B4GALT1: variants seen among roughly 807,000 people sequenced by gnomAD.
B4GALT1 encodes N-acetyllactosamine synthase.
Under a neutral mutation model 34.9 loss-of-function variants are expected in B4GALT1, and 16 were observed. The observed-to-expected ratio is 0.46, with a 90% CI of 0.31 to 0.70. The LOEUF (loss-of-function observed/expected upper bound fraction) is 0.70. B4GALT1 is among the 30% of genes least tolerant of loss of function. The pLI, the probability that B4GALT1 is intolerant of heterozygous loss-of-function variation, is 0.05. For synonymous variants in B4GALT1, 221 were observed against 218.1 expected (o/e 1.01, Z -0.12); for missense variants, 445 against 530.5 (o/e 0.84, Z 1.58).
chr9:33,168,824 G>A (rs1564057118), upstream of B4GALT1, among the ~76,000 whole-genome samples: 1 of 152,154 alleles, frequency 6.6e-6, no homozygotes, highest in Non-Finnish European at 1.5e-5. Context: ...AGATTCAACT[G>A]CTTATTTTAC....
At position 33,120,708 on chromosome 9, in the gene B4GALT1, A is replaced by G. The variant is rs3818593; in HGVS notation, c.649-102T>C. ...GTCCACTACACATGGTCACTAGGAA[A>G]CTCTTGGGCCTCACTTTTCTGCCGT... On this transcript the variant is annotated intron_variant, in intron 2 of 5. Transcript: ENST00000379731. 0.2 allele frequency: 247,196 copies of G among 1,232,496 alleles called. 27,173 individuals carry two copies. The highest frequency in any genetic ancestry group is 0.43 in the East Asian group (17,282 of 39,946). The allele number at this position is 1,232,496 out of a possible 1,614,324, so 76.3% of individuals were successfully genotyped here.
chr9:33,140,850 A>C (rs1217548951), intron 1 of B4GALT1, among the ~76,000 whole-genome samples: 1 of 152,278 alleles, frequency 6.6e-6, no homozygotes, highest in East Asian at 1.9e-4. Context: ...ATTTGCTTGC[A>C]GCATTCTCGT....
At chr9:33,157,421 G>A (rs10758194) in intron 1 of B4GALT1, among the ~76,000 whole-genome samples, 1 of 151,960 alleles carries the variant, frequency 6.6e-6, no homozygotes, top group Non-Finnish European at 1.5e-5. Context: ...CTAGATTATC[G>A]ACGATAGTGA....
chr9:33,162,845 T>C (rs979333903), intron 1 of B4GALT1, among the ~76,000 whole-genome samples: 3 of 152,194 alleles, frequency 2.0e-5, no homozygotes, highest in African/African-American at 4.8e-5. Context: ...CTTATTGCCA[T>C]AGGCTGTGTC....
At chr9:33,154,265 A>C (rs1840565935) in intron 1 of B4GALT1, among the ~76,000 whole-genome samples, 2 of 152,212 alleles carry the variant, frequency 1.3e-5, no homozygotes, top group South Asian at 4.1e-4. Context: ...CTCAACAGAC[A>C]CAGAAAAGCA....
At chr9:33,122,988 A>T (rs938901813) in intron 2 of B4GALT1, among the ~76,000 whole-genome samples, 1 of 152,148 alleles carries the variant, frequency 6.6e-6, no homozygotes, top group African/African-American at 2.4e-5. Context: ...TACTAAAAAC[A>T]CAAAAAATTG....
upstream of B4GALT1, among the ~76,000 whole-genome samples, chr9:33,170,836 T>C (rs565053851): frequency 2.0e-5 from 3 of 152,342 alleles, no homozygotes; most frequent in Admixed American, 2.0e-4. Context: ...TCCAGCTCTT[T>C]TCCACTCTCT....
chr9:33,166,167 A>G (rs1011235334), intron 1 of B4GALT1, among the ~76,000 whole-genome samples: 9 of 152,188 alleles, frequency 5.9e-5, no homozygotes, highest in Admixed American at 5.2e-4. Flanking sequence ...GCCCTTATTT[A>G]CCATTGTTCA....
intron 4 of B4GALT1, among the ~76,000 whole-genome samples, chr9:33,115,122 T>A (rs745364113): frequency 2.6e-5 from 4 of 152,226 alleles, no homozygotes; most frequent in Non-Finnish European, 5.9e-5. Flanking sequence ...TGATACCCCA[T>A]CTACATACTA....
At chr9:33,138,285 G>C (rs899202391) in intron 1 of B4GALT1, among the ~76,000 whole-genome samples, 9 of 152,140 alleles carry the variant, frequency 5.9e-5, no homozygotes, top group African/African-American at 2.2e-4. Flanking sequence ...GATGATCTTT[G>C]GTATCCTGAG....
At chr9:33,168,926 T>C (rs774924683), upstream of B4GALT1, among the ~76,000 whole-genome samples, 17 of 152,250 alleles carry the variant, frequency 1.1e-4, no homozygotes, top group Non-Finnish European at 1.8e-4. Context: ...GATACTATTG[T>C]TTATTCAGTT....
chr9:33,142,537 C>G (rs1446937644), intron 1 of B4GALT1, among the ~76,000 whole-genome samples: 1 of 152,158 alleles, frequency 6.6e-6, no homozygotes, highest in African/African-American at 2.4e-5. Flanking sequence ...AACACAAGTT[C>G]AACACCCCCA....
chr9:33,167,325 A>T lies in B4GALT1; in HGVS notation c.-156T>A. ...AGAGCTGAGACTCCTCCAGCCAGCC[A>T]GACCTGGGAGCGGCGAGAAGCCGCC... On this transcript the variant is annotated 5_prime_UTR_variant, in exon 1 of 6. Transcript: ENST00000379731. 1.0e-6 allele frequency: 1 copy of T among 996,058 alleles called. No individual in the cohort carries two copies. The highest frequency in any genetic ancestry group is 1.3e-6 in the Non-Finnish European group (1 of 759,804). The allele number at this position is 996,058 out of a possible 1,614,324, so 61.7% of individuals were successfully genotyped here.
chr9:33,104,855 TTGCCCAGGC>T (rs1839782943), intron 2 of B4GALT1: 1 of 434,480 alleles, frequency 2.3e-6, no homozygotes, highest in Non-Finnish European at 4.6e-6. Flanking sequence ...TCTCACTCTG[TTGCCCAGGC>T]TGGAGTGCAG....
At chr9:33,118,493 T>C (rs1839972798) in intron 3 of B4GALT1, among the ~76,000 whole-genome samples, 1 of 147,798 alleles carries the variant, frequency 6.8e-6, no homozygotes, top group Admixed American at 6.8e-5. Context: ...GAGACATCTC[T>C]AAAAAAAAAA....
intron 1 of B4GALT1, among the ~76,000 whole-genome samples, chr9:33,137,507 G>T (rs1281582826): frequency 1.3e-5 from 2 of 152,128 alleles, no homozygotes; most frequent in South Asian, 2.1e-4. Flanking sequence ...ACCTCCCAGG[G>T]TGCCCTAAAG....
the B4GALT1 span, among the ~76,000 whole-genome samples, chr9:33,184,289 A>ACACACACACACAC: frequency 3.0e-5 from 3 of 100,836 alleles, no homozygotes; most frequent in Non-Finnish European, 4.2e-5. Flanking sequence ...CACACACACA[A>ACACACACACACAC]AAACATAGGA....
downstream of B4GALT1, among the ~76,000 whole-genome samples, chr9:33,106,181 G>A (rs2117968625): frequency 6.6e-6 from 1 of 152,072 alleles, no homozygotes; most frequent in East Asian, 1.9e-4. Context: ...CTTATTTTGT[G>A]TTTCTGGTTT....
chr9:33,176,948 C>CA, the B4GALT1 span, among the ~76,000 whole-genome samples: 2 of 152,110 alleles, frequency 1.3e-5, no homozygotes, highest in Non-Finnish European at 1.5e-5. Context: ...AAAAGTCTTA[C>CA]AGCCACATCC....
Sources: allele counts gnomAD v4.1 joint callset (sites outside exome capture counted in the v4.1 genomes callset), GRCh38; gene constraint gnomAD v4.1.1; transcripts MANE v1.5; gene names NCBI Gene and HGNC (gene_info 2026-07-23, HGNC 2026-07-21).